The following ZBTB20 variants were observed in gnomAD, a reference collection of about 807,000 sequenced individuals.
The protein encoded by ZBTB20 is zinc finger and BTB domain-containing protein 20.
ZBTB20 carries 9 observed loss-of-function variants against 56.9 expected under a neutral mutation model. The observed-to-expected ratio is 0.16, with a 90% CI of 0.10 to 0.28. The LOEUF (loss-of-function observed/expected upper bound fraction) is 0.28. Ranked by LOEUF, ZBTB20 falls within the 10% of genes least tolerant of loss-of-function variation. The pLI, the probability that ZBTB20 is intolerant of heterozygous loss-of-function variation, is 1.00. For missense variants in ZBTB20, 655 were observed against 1,003.0 expected, an observed-to-expected ratio of 0.65 and a Z score of 4.69; for synonymous variants, 417 against 420.7, an observed-to-expected ratio of 0.99 and a Z score of 0.11.
At chr3:114,686,571 A>G (rs2062355481) in intron 6 of ZBTB20, among the ~76,000 whole-genome samples, 1 of 152,066 alleles carries the variant, frequency 6.6e-6, no homozygotes, top group Admixed American at 6.6e-5. Flanking sequence ...AGCCTTGGGC[A>G]CCCATTCTGA....
intron 4 of ZBTB20, among the ~76,000 whole-genome samples, chr3:114,882,187 G>C (rs1247433152): frequency 1.3e-5 from 2 of 151,852 alleles, no homozygotes; most frequent in Non-Finnish European, 2.9e-5. Context: ...AATGTAAATG[G>C]CCAGTGAAAT....
intron 7 of ZBTB20, among the ~76,000 whole-genome samples, chr3:114,444,199 A>G (rs2091115378): frequency 6.6e-6 from 1 of 152,194 alleles, no homozygotes. Flanking sequence ...ATTTCTACAA[A>G]GAAATACTTC....
intron 2 of ZBTB20, among the ~76,000 whole-genome samples, chr3:115,067,904 G>T (rs1453718265): frequency 1.3e-5 from 2 of 152,128 alleles, no homozygotes; most frequent in East Asian, 3.9e-4. Flanking sequence ...ATACATCCTG[G>T]ACCAGTTATA....
intron 6 of ZBTB20, among the ~76,000 whole-genome samples, chr3:114,578,564 C>T (rs1042783957): frequency 4.0e-5 from 6 of 151,548 alleles, no homozygotes; most frequent in Non-Finnish European, 8.9e-5. Flanking sequence ...TAAAAGCTAC[C>T]AGGAGAAAAA....
intron 1 of ZBTB20, among the ~76,000 whole-genome samples, chr3:115,130,018 CT>C (rs1225024248): frequency 2.0e-5 from 3 of 152,100 alleles, no homozygotes; most frequent in Non-Finnish European, 4.4e-5. Context: ...TAAAAAATGC[CT>C]TCAGATTTTC....
chr3:114,889,435 T>C (rs2076725172), intron 4 of ZBTB20, among the ~76,000 whole-genome samples: 1 of 151,998 alleles, frequency 6.6e-6, no homozygotes, highest in South Asian at 2.1e-4. Flanking sequence ...ATGAATCTAT[T>C]TATATTTGAC....
At chr3:115,079,444 A>T (rs1035440663) in intron 1 of ZBTB20, among the ~76,000 whole-genome samples, 4 of 152,112 alleles carry the variant, frequency 2.6e-5, no homozygotes, top group African/African-American at 9.7e-5. Context: ...GCTGGAGTGC[A>T]GTGGTGCAAT....
At chr3:114,403,544 T>C (rs2087009944) in intron 7 of ZBTB20, among the ~76,000 whole-genome samples, 1 of 151,952 alleles carries the variant, frequency 6.6e-6, no homozygotes, top group African/African-American at 2.4e-5. Context: ...GAGTCTAATA[T>C]GATCAGGCCA....
At chr3:114,890,410 C>T (rs950344032) in intron 4 of ZBTB20, among the ~76,000 whole-genome samples, 5 of 152,160 alleles carry the variant, frequency 3.3e-5, no homozygotes, top group East Asian at 1.9e-4. Flanking sequence ...TACAGAAACA[C>T]ATGGGAGATC....
At chr3:115,145,933 A>C (rs567114281) in intron 1 of ZBTB20, among the ~76,000 whole-genome samples, 6 of 152,202 alleles carry the variant, frequency 3.9e-5, no homozygotes, top group Non-Finnish European at 8.8e-5. Flanking sequence ...AATGGCCTCT[A>C]TAATTTTTTT....
intron 4 of ZBTB20, among the ~76,000 whole-genome samples, chr3:114,838,666 G>C (rs62264973): frequency 6.6e-6 from 1 of 152,062 alleles, no homozygotes; most frequent in Non-Finnish European, 1.5e-5. Context: ...TGAAATCCTA[G>C]AATAGTAATA....
intron 4 of ZBTB20, among the ~76,000 whole-genome samples, chr3:114,813,211 C>T (rs1018486197): frequency 1.2e-4 from 18 of 152,344 alleles, no homozygotes; most frequent in African/African-American, 4.1e-4. Context: ...CACGCTGTCA[C>T]CTCTTATAAG....
chr3:114,680,401 C>T (rs1391521771), intron 6 of ZBTB20, among the ~76,000 whole-genome samples: 1 of 152,146 alleles, frequency 6.6e-6, no homozygotes, highest in Non-Finnish European at 1.5e-5. Context: ...AGCTATTTAT[C>T]TCCAAGTTTC....
intron 1 of ZBTB20, among the ~76,000 whole-genome samples, chr3:115,143,004 C>G (rs2084861607): frequency 6.6e-6 from 1 of 151,952 alleles, no homozygotes. Flanking sequence ...CTCACCATGA[C>G]AGATGGGAAA....
At chr3:114,353,323 C>T (rs1011801831) in intron 10 of ZBTB20, among the ~76,000 whole-genome samples, 17 of 152,334 alleles carry the variant, frequency 1.1e-4, no homozygotes, top group African/African-American at 3.4e-4. Flanking sequence ...TTCCGCTCTA[C>T]CTTGCGATAG....
intron 6 of ZBTB20, among the ~76,000 whole-genome samples, chr3:114,553,017 C>G (rs1488768150): frequency 6.6e-6 from 1 of 152,162 alleles, no homozygotes; most frequent in Non-Finnish European, 1.5e-5. Flanking sequence ...CAAATTTACC[C>G]TTTTCTCTCC....
At chr3:114,706,107 C>G (rs1284879524) in intron 5 of ZBTB20, among the ~76,000 whole-genome samples, 2 of 151,776 alleles carry the variant, frequency 1.3e-5, no homozygotes, top group Admixed American at 6.6e-5. Flanking sequence ...GAGAGAGAGA[C>G]AGACTTGAGT....
intron 8 of ZBTB20, among the ~76,000 whole-genome samples, chr3:114,387,103 A>C (rs1169185638): frequency 6.6e-6 from 1 of 152,048 alleles, no homozygotes; most frequent in Non-Finnish European, 1.5e-5. Flanking sequence ...TTGACTTATC[A>C]CAATAATCTG....
intron 6 of ZBTB20, chr3:114,687,396 G>A (rs529485856): frequency 2.6e-5 from 4 of 151,980 alleles, no homozygotes; most frequent in Admixed American, 2.6e-4. Context: ...GGAGAGAATG[G>A]TAAAATTGTC....
Sources: gnomAD v4.1 joint callset for allele counts (sites outside exome capture counted in the v4.1 genomes callset) on GRCh38, gnomAD v4.1.1 for gene constraint, MANE v1.5 for transcripts, NCBI Gene and HGNC (gene_info 2026-07-23, HGNC 2026-07-21) for gene names.